SYTL5: variants seen among roughly 807,000 people sequenced by gnomAD.
SYTL5 encodes synaptotagmin-like protein 5.
Under a neutral mutation model 55.9 loss-of-function variants are expected in SYTL5, and 34 were observed. That is an observed-to-expected ratio of 0.61 (90% CI 0.46 to 0.81). SYTL5 has a LOEUF of 0.81. SYTL5 is among the 30% of genes least tolerant of loss of function. The pLI, the probability that SYTL5 is intolerant of heterozygous loss-of-function variation, is 0.00. For synonymous variants in SYTL5, 221 were observed against 188.7 expected (o/e 1.17, Z -1.40); for missense variants, 637 against 546.7 (o/e 1.17, Z -1.65).
At chrX:38,105,977 A>G (rs763581900) in intron 10 of SYTL5, among the ~76,000 whole-genome samples, 4 of 112,209 alleles carry the variant, frequency 3.6e-5, no homozygotes, top group Non-Finnish European at 7.5e-5. Flanking sequence ...TTACAAAGCC[A>G]TGGTCATATA....
intron 9 of SYTL5, among the ~76,000 whole-genome samples, chrX:38,100,897 A>C (rs1378788489): frequency 9.0e-6 from 1 of 111,333 alleles, no homozygotes; most frequent in Non-Finnish European, 1.9e-5. Context: ...CAGAATATAC[A>C]TATCAGTGTT....
At chrX:38,059,118 A>C (rs2147329664) in intron 3 of SYTL5, among the ~76,000 whole-genome samples, 1 of 111,784 alleles carries the variant, frequency 8.9e-6, no homozygotes, top group African/African-American at 3.2e-5. Context: ...TGTGTTTTTC[A>C]GGTTTAGAAT....
At chrX:38,043,061 T>A (rs1204771494) in intron 2 of SYTL5, among the ~76,000 whole-genome samples, 2 of 111,748 alleles carry the variant, frequency 1.8e-5, no homozygotes, top group African/African-American at 6.5e-5. Context: ...TGCAGAGTAA[T>A]TAAGCATAAT....
the SYTL5 span, among the ~76,000 whole-genome samples, chrX:37,892,942 G>A: frequency 5.6e-4 from 2 of 3,591 alleles, no homozygotes; most frequent in African/African-American, 1.3e-3. Flanking sequence ...TACTATATAT[G>A]TATATATAAC....
chrX:37,925,865 C>T, the SYTL5 span, among the ~76,000 whole-genome samples: 1 of 111,846 alleles, frequency 8.9e-6, no homozygotes, highest in Non-Finnish European at 1.9e-5. Flanking sequence ...ATTTGGTTTT[C>T]CATTCCTGAA....
the SYTL5 span, among the ~76,000 whole-genome samples, chrX:37,971,952 C>T: frequency 0.18 from 19,897 of 109,783 alleles, 1,708 homozygotes; most frequent in Non-Finnish European, 0.26. Flanking sequence ...TGCCCTCTTA[C>T]GTGTCTCAGT....
At chrX:38,057,913 T>C (rs141712566) in intron 3 of SYTL5, among the ~76,000 whole-genome samples, 1,426 of 111,601 alleles carry the variant, frequency 0.013, 19 homozygotes, top group African/African-American at 0.044. Flanking sequence ...ATTGTCTTAA[T>C]GGTATCATTT....
chrX:38,063,502 A>G (rs1293485014), intron 3 of SYTL5, among the ~76,000 whole-genome samples: 1 of 111,931 alleles, frequency 8.9e-6, no homozygotes, highest in Non-Finnish European at 1.9e-5. Flanking sequence ...TTAAACAATA[A>G]TAAAAATAGC....
At chrX:37,911,924 A>G in the SYTL5 span, among the ~76,000 whole-genome samples, 4 of 112,158 alleles carry the variant, frequency 3.6e-5, no homozygotes, top group East Asian at 1.1e-3. Flanking sequence ...TTATATCTCC[A>G]TATGAAACAG....
chrX:37,925,754 C>A, the SYTL5 span, among the ~76,000 whole-genome samples: 9 of 110,798 alleles, frequency 8.1e-5, no homozygotes, highest in South Asian at 3.1e-3. Context: ...ATCCCTCACC[C>A]CCCTCTTCCC....
the SYTL5 span, among the ~76,000 whole-genome samples, chrX:37,920,264 A>G: frequency 1.8e-5 from 2 of 111,218 alleles, no homozygotes; most frequent in African/African-American, 6.5e-5. Flanking sequence ...TTTACCTTGT[A>G]TTTTACCAAA....
At chrX:37,976,799 C>CAA in the SYTL5 span, among the ~76,000 whole-genome samples, 51 of 47,158 alleles carry the variant, frequency 1.1e-3, no homozygotes, top group South Asian at 3.0e-3. Context: ...ACTAAAAATA[C>CAA]AAAAAAAAAA....
At chrX:37,920,892 C>G in the SYTL5 span, among the ~76,000 whole-genome samples, 1 of 111,551 alleles carries the variant, frequency 9.0e-6, no homozygotes, top group African/African-American at 3.3e-5. Flanking sequence ...TTACCTGGAG[C>G]TTCCTTCACA....
intron 6 of SYTL5, among the ~76,000 whole-genome samples, chrX:38,084,513 A>C (rs1465706663): frequency 9.0e-6 from 1 of 110,957 alleles, no homozygotes; most frequent in Non-Finnish European, 1.9e-5. Context: ...ACCCTGTGGG[A>C]TCTGACACTC....
intron 9 of SYTL5, among the ~76,000 whole-genome samples, chrX:38,098,423 G>T (rs1021225543): frequency 1.8e-5 from 2 of 110,955 alleles, no homozygotes; most frequent in African/African-American, 3.3e-5. Flanking sequence ...ATTTACAAAT[G>T]CCTAATAGCT....
Position 38,094,532 on chromosome X carries a change from A to G in SYTL5, c.961+108A>G. 4.4e-6 allele frequency: 4 copies of G among 907,201 alleles called. No homozygotes were observed. The Admixed American group carries it at 1.0e-4, about 24-fold the overall frequency. The allele number at this position is 907,201 out of a possible 1,213,427, so 74.8% of individuals were successfully genotyped here. A position where few individuals can be genotyped will look rare whatever the true frequency, so the allele number is the denominator to read the frequency against. ...ATGTTTCATCCTTTAAAAAATAAGC[A>G]TTCCCTTCTTTGACCTATGGTGGTA... On this transcript the variant is annotated intron_variant, in intron 8 of 16. Transcript: ENST00000297875.
chrX:37,967,682 A>G, the SYTL5 span, among the ~76,000 whole-genome samples: 1 of 110,972 alleles, frequency 9.0e-6, no homozygotes, highest in Admixed American at 9.6e-5. Context: ...TGATGCTCAC[A>G]TAATGCATAT....
the SYTL5 span, among the ~76,000 whole-genome samples, chrX:37,980,055 G>T: frequency 1.8e-5 from 2 of 111,154 alleles, no homozygotes; most frequent in Non-Finnish European, 3.8e-5. Context: ...AGAACATGCG[G>T]TGTTTGGTTT....
intron 1 of SYTL5, among the ~76,000 whole-genome samples, chrX:38,025,817 G>A (rs5963373): frequency 0.3 from 33,204 of 111,494 alleles, 6,980 homozygotes; most frequent in African/African-American, 0.75. Context: ...GAGACACACA[G>A]TGATGATATA....
Sources: gnomAD v4.1 joint callset for allele counts (sites outside exome capture counted in the v4.1 genomes callset) on GRCh38, gnomAD v4.1.1 for gene constraint, MANE v1.5 for transcripts, NCBI Gene and HGNC (gene_info 2026-07-23, HGNC 2026-07-21) for gene names.